The following RAB3IP variants were observed in gnomAD, a reference collection of about 807,000 sequenced individuals.
RAB3IP encodes the protein RAB3A interacting protein, also known as rab-3A-interacting protein.
Under a neutral mutation model 59.1 loss-of-function variants are expected in RAB3IP, and 36 were observed. The observed-to-expected ratio is 0.61, with a 90% confidence interval of 0.47 to 0.80. The LOEUF (loss-of-function observed/expected upper bound fraction) is 0.80. Ranked by LOEUF, RAB3IP falls within the 30% of genes least tolerant of loss-of-function variation. The pLI is 0.00. For synonymous variants in RAB3IP, 207 were observed against 191.2 expected (o/e 1.08, Z -0.68); for missense variants, 511 against 536.0 (o/e 0.95, Z 0.46).
At chr12:69,781,046 C>T (rs1461143173) in intron 3 of RAB3IP, among the ~76,000 whole-genome samples, 3 of 152,160 alleles carry the variant, frequency 2.0e-5, no homozygotes, top group Admixed American at 6.5e-5. Context: ...TTGAGAGCTT[C>T]AAGTTGTAAC....
Position 69,755,458 on chromosome 12 carries a change from C to T in RAB3IP, c.50C>T (p.Pro17Leu). Residue 17 changes from proline to leucine, a missense_variant, in exon 2 of 11, where the codon CCT (proline) becomes CTT (leucine). By Grantham distance (98) the Pro-to-Leu change is moderately conservative. Coordinates refer to ENST00000247833, the MANE Select transcript of RAB3IP (RefSeq NM_022456.5). ...TTCCATGAAGTAAACCTTGCTTCAC[C>T]TACTTCTCCGGACCTTCTTGGTGTG... ...EGFHEVNLAS[P>L]TSPDLLGVYE... 2 of 1,613,990 alleles carry T rather than the reference C, an allele frequency of 1.2e-6. No homozygotes were observed. Among genetic ancestry groups the T allele is most frequent in the Non-Finnish European group, 1.7e-6 (2 of 1,179,940 alleles).
At chr12:69,808,214 T>G (rs1328263367) in intron 8 of RAB3IP, among the ~76,000 whole-genome samples, 1 of 152,258 alleles carries the variant, frequency 6.6e-6, no homozygotes, top group Non-Finnish European at 1.5e-5. Context: ...AGTGAGTTTC[T>G]TAATCCTGAG....
chr12:69,805,951 A>C (rs1401444635), intron 8 of RAB3IP, among the ~76,000 whole-genome samples: 1 of 152,106 alleles, frequency 6.6e-6, no homozygotes, highest in Non-Finnish European at 1.5e-5. Context: ...TATTGGTCTA[A>C]AATTCTCTTT....
intron 4 of RAB3IP, among the ~76,000 whole-genome samples, chr12:69,785,948 G>A (rs928985798): frequency 3.9e-5 from 6 of 152,108 alleles, no homozygotes; most frequent in African/African-American, 1.2e-4. Context: ...AAGACCTTGA[G>A]TCTTTAGAAG....
In RAB3IP at chr12:69,821,591, T is replaced by G. The variant is rs1043553927; in HGVS notation, c.*6145T>G. The G allele has an allele frequency of 6.6e-5, 10 of 152,350 alleles. No homozygotes were observed. Among genetic ancestry groups the G allele is most frequent in the South Asian group, 2.1e-4 (1 of 4,828 alleles). 9.4% of individuals were successfully genotyped at this position (152,350 alleles called of 1,614,324 possible). On this transcript the variant is annotated 3_prime_UTR_variant, in exon 11 of 11. Transcript: ENST00000247833. Reference sequence around the variant, plus strand: ...GTGTTTTCACACAATGTGCTATTTGTCCTTCACAGTGTTTTGGTTTATTTT... The same window carrying G: ...GTGTTTTCACACAATGTGCTATTTGGCCTTCACAGTGTTTTGGTTTATTTT...
chr12:69,786,917 A>G (rs1429045527), intron 4 of RAB3IP, among the ~76,000 whole-genome samples: 2 of 152,324 alleles, frequency 1.3e-5, no homozygotes, highest in Middle Eastern at 3.4e-3. Context: ...AACAAAGTAC[A>G]TTGATTAAAG....
intron 8 of RAB3IP, 106 bp downstream of exon 8, chr12:69,801,827 G>A: frequency 1.4e-6 from 1 of 691,540 alleles, no homozygotes; most frequent in East Asian, 2.8e-5. Context: ...ATTTCCCTCA[G>A]ATTTCTCTTA....
At chr12:69,791,711 G>T (rs1161241929) in intron 4 of RAB3IP, among the ~76,000 whole-genome samples, 1 of 152,192 alleles carries the variant, frequency 6.6e-6, no homozygotes, top group Non-Finnish European at 1.5e-5. Context: ...TCCACTATTG[G>T]TGGGAATGTA....
chr12:69,809,971 G>C (rs1397786581), intron 8 of RAB3IP, among the ~76,000 whole-genome samples: 3 of 152,066 alleles, frequency 2.0e-5, no homozygotes, highest in Admixed American at 2.0e-4. Context: ...GAGGAGAGGC[G>C]CTCTGATTTT....
At chr12:69,746,895 A>G (rs958800722) in intron 1 of RAB3IP, among the ~76,000 whole-genome samples, 1 of 152,206 alleles carries the variant, frequency 6.6e-6, no homozygotes, top group Non-Finnish European at 1.5e-5. Flanking sequence ...CCCTTCCACA[A>G]CTGTCTGTGA....
At chr12:69,807,579 C>T (rs562722119) in intron 8 of RAB3IP, among the ~76,000 whole-genome samples, 39 of 135,370 alleles carry the variant, frequency 2.9e-4, no homozygotes, top group African/African-American at 8.0e-4. Context: ...ACAGGGCGGC[C>T]GGACAGAGGC....
At chr12:69,785,756 T>C (rs1167352516) in intron 4 of RAB3IP, among the ~76,000 whole-genome samples, 3 of 152,222 alleles carry the variant, frequency 2.0e-5, no homozygotes, top group Non-Finnish European at 4.4e-5. Flanking sequence ...TGACTACATA[T>C]TCGAGCACCC....
At chr12:69,750,436 A>G (rs1869063491) in intron 1 of RAB3IP, among the ~76,000 whole-genome samples, 1 of 152,186 alleles carries the variant, frequency 6.6e-6, no homozygotes, top group African/African-American at 2.4e-5. Context: ...TATAATTCCT[A>G]ATAACATAAT....
chr12:69,808,445 T>A (rs1309555852), intron 8 of RAB3IP, among the ~76,000 whole-genome samples: 1 of 152,208 alleles, frequency 6.6e-6, no homozygotes, highest in Non-Finnish European at 1.5e-5. Context: ...CTGGATATCT[T>A]TGTTAACTTT....
intron 3 of RAB3IP, among the ~76,000 whole-genome samples, chr12:69,778,447 G>A (rs1408291318): frequency 1.4e-5 from 2 of 143,020 alleles, no homozygotes; most frequent in African/African-American, 5.2e-5. Flanking sequence ...GCTTTGTTCT[G>A]TTGCTGGTGA....
At chr12:69,782,233 C>T (rs909606431) in intron 3 of RAB3IP, among the ~76,000 whole-genome samples, 7 of 152,146 alleles carry the variant, frequency 4.6e-5, no homozygotes, top group Non-Finnish European at 8.8e-5. Flanking sequence ...GGCGCGATCT[C>T]GGCTCACTGC....
intron 1 of RAB3IP, among the ~76,000 whole-genome samples, chr12:69,753,366 T>A (rs1188564406): frequency 2.0e-5 from 3 of 152,224 alleles, no homozygotes; most frequent in African/African-American, 7.2e-5. Flanking sequence ...GCATTTTTTT[T>A]ATTTTTATTT....
At chr12:69,806,947 A>T (rs1173910001) in intron 8 of RAB3IP, among the ~76,000 whole-genome samples, 10 of 139,740 alleles carry the variant, frequency 7.2e-5, no homozygotes. Flanking sequence ...TTCTTAGTCC[A>T]GAACAAAATG....
At position 69,821,894 on chromosome 12, in the gene RAB3IP, C is replaced by A. The variant is rs2053558917; in HGVS notation, c.*6448C>A. On this transcript the variant is annotated 3_prime_UTR_variant, in exon 11 of 11. Transcript: ENST00000247833. ...GGGACCCACTTTACTCACTTATCTG[C>A]TGGGCCTTGGAAGTATTTCAGTTCG... The A allele has an allele frequency of 1.3e-5, 2 of 152,216 alleles. No individual in the cohort carries two copies. Among genetic ancestry groups the A allele is most frequent in the Admixed American group, 1.3e-4 (2 of 15,286 alleles). 9.4% of individuals were successfully genotyped at this position (152,216 alleles called of 1,614,324 possible). A position where few individuals can be genotyped will look rare whatever the true frequency, so the allele number is the denominator to read the frequency against.
Sources: gnomAD v4.1 joint callset for allele counts (sites outside exome capture counted in the v4.1 genomes callset) on GRCh38, gnomAD v4.1.1 for gene constraint, MANE v1.5 for transcripts, NCBI Gene and HGNC (gene_info 2026-07-23, HGNC 2026-07-21) for gene names.